SNRK: variants seen among roughly 807,000 people sequenced by gnomAD.
The protein encoded by SNRK is SNF related kinase.
A neutral mutation model predicts 48.2 loss-of-function variants in SNRK; 3 were observed. That is an observed-to-expected ratio of 0.06 (90% CI 0.03 to 0.16). The LOEUF (loss-of-function observed/expected upper bound fraction) is 0.16. Among genes scored for constraint, SNRK ranks in the 10% least tolerant of loss-of-function variants. The pLI, the probability that SNRK is intolerant of heterozygous loss-of-function variation, is 1.00. For missense variants in SNRK, 627 were observed against 976.0 expected (o/e 0.64, Z 4.76); for synonymous variants, 376 against 366.1 (o/e 1.03, Z -0.31).
rs558870634 is a variant in SNRK at position 43,294,326 on chromosome 3, G to C, written c.-168-5428G>C. ...TTGTAACATTTGCAATATACATAAT[G>C]ATGGGACCCAAGTCTAAACATGAAA... On this transcript the variant is annotated intron_variant, in intron 1 of 6. Transcript: ENST00000296088. Among the ~76,000 whole-genome samples, 54 of 152,246 alleles carry C rather than the reference G, an allele frequency of 3.5e-4. No homozygotes were observed. In the South Asian group the frequency reaches 0.011, roughly 31 times the overall value.
In SNRK at chr3:43,348,736, A is replaced by G; in HGVS notation, c.*179A>G. 1.8e-6 allele frequency: 1 copy of G among 557,132 alleles called. No individual in the cohort carries two copies. Among genetic ancestry groups the G allele is most frequent in the Non-Finnish European group, 2.8e-6 (1 of 359,942 alleles). The allele number at this position is 557,132 out of a possible 1,614,324, so 34.5% of individuals were successfully genotyped here. ...ATGGTCTTTGTGCATGCTGCTAGACACTTTTCTTTCCCAGCCGAAAAGCCT... is the reference window on the plus strand; with the variant it reads ...ATGGTCTTTGTGCATGCTGCTAGACGCTTTTCTTTCCCAGCCGAAAAGCCT... On this transcript the variant is annotated 3_prime_UTR_variant, in exon 7 of 7. Transcript: ENST00000296088.
chr3:43,345,643 G>C (rs551873674), intron 6 of SNRK, among the ~76,000 whole-genome samples: 2 of 152,292 alleles, frequency 1.3e-5, no homozygotes, highest in South Asian at 4.1e-4. Flanking sequence ...GGAATTGAGG[G>C]AGAACACAGG....
intron 3 of SNRK, among the ~76,000 whole-genome samples, chr3:43,310,269 C>T (rs977665934): frequency 2.6e-5 from 4 of 151,918 alleles, no homozygotes; most frequent in Non-Finnish European, 5.9e-5. Flanking sequence ...TACCTTTACC[C>T]ATATTTTGTT....
At position 43,332,022 on chromosome 3, in the gene SNRK, T is replaced by C. The variant is rs191880314; in HGVS notation, c.590-147T>C. On this transcript the variant is annotated intron_variant, in intron 3 of 6. Coordinates refer to ENST00000296088, the MANE Select transcript of SNRK (RefSeq NM_017719.5). ...GAAGATAGACACCTTCCCTGCCCTATTGGGGCTTCTTTTCCTTCATGGATG... is the reference window on the plus strand; with the variant it reads ...GAAGATAGACACCTTCCCTGCCCTACTGGGGCTTCTTTTCCTTCATGGATG... The C allele has an allele frequency of 2.2e-3, 1,113 of 516,172 alleles. 20 individuals are homozygous for C. The highest frequency in any genetic ancestry group is 2.0e-4 in the Non-Finnish European group (62 of 316,642). The allele number at this position is 516,172 out of a possible 1,614,324, so 32.0% of individuals were successfully genotyped here. A position where few individuals can be genotyped will look rare whatever the true frequency, so the allele number is the denominator to read the frequency against.
At chr3:43,311,172 T>TA (rs1197194996) in intron 3 of SNRK, among the ~76,000 whole-genome samples, 1 of 152,212 alleles carries the variant, frequency 6.6e-6, no homozygotes, top group African/African-American at 2.4e-5. Context: ...CTCAACTTGA[T>TA]AAAGACAATC....
chr3:43,323,844 C>T (rs1269761250), intron 3 of SNRK, among the ~76,000 whole-genome samples: 2 of 152,114 alleles, frequency 1.3e-5, no homozygotes, highest in African/African-American at 4.8e-5. Flanking sequence ...TTGAGAAAAA[C>T]AGAGACTACG....
At position 43,310,837 on chromosome 3, in the gene SNRK, A is replaced by G. The variant is rs138379345; in HGVS notation, c.589+7045A>G. On this transcript the variant is annotated intron_variant, in intron 3 of 6. Transcript: ENST00000296088. ...CATATTTTGTTTTTTTTATTTTAAC[A>G]GTTCCGAAAGTGCTTCATTAAGCAG... Among the ~76,000 whole-genome samples the G allele has an allele frequency of 2.3e-3, 354 of 152,240 alleles. 1 individual carries two copies. Among genetic ancestry groups the G allele is most frequent in the African/African-American group, 8.2e-3 (340 of 41,560 alleles).
intron 4 of SNRK, among the ~76,000 whole-genome samples, chr3:43,335,914 C>A (rs969597898): frequency 6.6e-6 from 1 of 152,112 alleles, no homozygotes; most frequent in African/African-American, 2.4e-5. Context: ...TAGAGTTTTT[C>A]TTTCTTTTCT....
In SNRK at chr3:43,333,943, C is replaced by T. The variant is rs530130730; in HGVS notation, c.731+1633C>T. 3.1e-4 allele frequency among the ~76,000 whole-genome samples: 47 copies of T among 152,124 alleles called. 1 individual carries two copies. Among genetic ancestry groups the T allele is most frequent in the Middle Eastern group, 3.4e-3 (1 of 294 alleles). On this transcript the variant is annotated intron_variant, in intron 4 of 6. Coordinates refer to ENST00000296088, the MANE Select transcript of SNRK (RefSeq NM_017719.5). ...CAGGCAGATCACAAGATCAGGAGTT[C>T]GAGACCAGCCTGATCAACATGGTGA...
intron 3 of SNRK, among the ~76,000 whole-genome samples, chr3:43,308,482 G>A (rs2090954903): frequency 6.6e-6 from 1 of 152,162 alleles, no homozygotes; most frequent in African/African-American, 2.4e-5. Context: ...CATGCTCATT[G>A]ACCATTCAGA....
chr3:43,334,499 A>T (rs775751587), intron 4 of SNRK, among the ~76,000 whole-genome samples: 1 of 152,182 alleles, frequency 6.6e-6, no homozygotes, highest in Non-Finnish European at 1.5e-5. Context: ...TAGGTTTTTA[A>T]AATTTTTTCC....
chr3:43,348,562 G>A lies in SNRK; in HGVS notation c.*5G>A. The A allele has an allele frequency of 2.0e-6, 3 of 1,522,444 alleles. No homozygotes were observed. The highest frequency in any genetic ancestry group is 2.6e-6 in the Non-Finnish European group (3 of 1,139,318). 94.3% of individuals were successfully genotyped at this position (1,522,444 alleles called of 1,614,324 possible). A position where few individuals can be genotyped will look rare whatever the true frequency, so the allele number is the denominator to read the frequency against. ...AGCTGTTGCCATGTCATCTGACTGT[G>A]GCCCCATCTGGCCGCTAGCACGCTT... On this transcript the variant is annotated 3_prime_UTR_variant, in exon 7 of 7. Coordinates refer to ENST00000296088, the MANE Select transcript of SNRK (RefSeq NM_017719.5).
chr3:43,342,700 T>C (rs892004744), intron 5 of SNRK, among the ~76,000 whole-genome samples: 3 of 152,252 alleles, frequency 2.0e-5, no homozygotes, highest in Admixed American at 6.5e-5. Flanking sequence ...TGGGCAGGGC[T>C]GTGGGCCTTG....
chr3:43,319,027 CAA>C (rs573381074), intron 3 of SNRK, among the ~76,000 whole-genome samples: 50 of 68,750 alleles, frequency 7.3e-4, no homozygotes, highest in Admixed American at 6.6e-4. Context: ...GACTTTGTCT[CAA>C]AAAAAAAAAA....
Position 43,303,615 on chromosome 3 carries a change from A to C in SNRK, c.412A>C (p.Arg138=), listed in dbSNP as rs17075521. The part of the protein sequence containing the change: ...SYCHKLHVVH[R]DLKPENVVFF... ...TTGCCATAAACTCCATGTGGTTCACAGAGACTTAAAACCAGAGAATGTAGT... is the reference window on the plus strand; with the variant it reads ...TTGCCATAAACTCCATGTGGTTCACCGAGACTTAAAACCAGAGAATGTAGT... The change falls in exon 3 of 7, where the codon AGA becomes CGA. Residue 138 remains arginine, a synonymous_variant. Transcript: ENST00000296088. This position sits in a 1 kb window ranked among gnomAD's most constrained non-coding sequence, Gnocchi z 6.2. The C allele has an allele frequency of 5.8e-3, 9,392 of 1,614,132 alleles. 374 individuals carry two copies. In the African/African-American group the frequency reaches 0.098, roughly 17 times the overall value.
At position 43,303,845 on chromosome 3, in the gene SNRK, G is replaced by C; in HGVS notation, c.589+53G>C. ...CATTTGAATTCTGCCAGCTAGAGTTGGTCAGATCGGTTGTTTATCTAAAAA... is the reference window on the plus strand; with the variant it reads ...CATTTGAATTCTGCCAGCTAGAGTTCGTCAGATCGGTTGTTTATCTAAAAA... On this transcript the variant is annotated intron_variant, in intron 3 of 6. Coordinates refer to ENST00000296088, the MANE Select transcript of SNRK (RefSeq NM_017719.5). The surrounding 1 kb of genome is among the most constrained non-coding windows in gnomAD (Gnocchi z 6.2). 1 of 1,241,924 alleles carries C rather than the reference G, an allele frequency of 8.1e-7. No individual in the cohort carries two copies. The highest frequency in any genetic ancestry group is 1.1e-6 in the Non-Finnish European group (1 of 874,590). The allele number at this position is 1,241,924 out of a possible 1,614,324, so 76.9% of individuals were successfully genotyped here.
In SNRK at chr3:43,335,622, G is replaced by A. The variant is rs191159877; in HGVS notation, c.731+3312G>A. ...GTTCAAAATTATTTGCATCCTGTAT[G>A]AGTTTTTCTTTCTCCTACTGGATCT... On this transcript the variant is annotated intron_variant, in intron 4 of 6. Transcript: ENST00000296088. Among the ~76,000 whole-genome samples the A allele has an allele frequency of 1.8e-3, 274 of 152,228 alleles. 1 individual carries two copies. Among genetic ancestry groups the A allele is most frequent in the African/African-American group, 6.3e-3 (260 of 41,532 alleles).
At chr3:43,295,939 A>G (rs2090849781) in intron 1 of SNRK, among the ~76,000 whole-genome samples, 2 of 152,082 alleles carry the variant, frequency 1.3e-5, no homozygotes, top group Non-Finnish European at 2.9e-5. Context: ...GGGTTTCAAC[A>G]TGTTGGCCAG....
Position 43,292,285 on chromosome 3 carries a change from T to C in SNRK, c.-169+5610T>C, listed in dbSNP as rs572710518. 3.9e-5 allele frequency among the ~76,000 whole-genome samples: 6 copies of C among 152,372 alleles called. No homozygotes were observed. The South Asian group carries it at 1.2e-3, about 32-fold the overall frequency. On this transcript the variant is annotated intron_variant, in intron 1 of 6. Coordinates refer to ENST00000296088, the MANE Select transcript of SNRK (RefSeq NM_017719.5). Reference sequence around the variant, plus strand: ...TTTTATGGAACTTTGTAGTGAACAATGAACTTTTAAAATTTGTTTGAATTC... The same window carrying C: ...TTTTATGGAACTTTGTAGTGAACAACGAACTTTTAAAATTTGTTTGAATTC...
Sources: gnomAD v4.1 joint callset for allele counts (sites outside exome capture counted in the v4.1 genomes callset) on GRCh38, gnomAD v4.1.1 for gene constraint, Gnocchi (gnomAD v3.1) non-coding constraint, MANE v1.5 for transcripts, NCBI Gene and HGNC (gene_info 2026-07-23, HGNC 2026-07-21) for gene names.